BORCS5: variants seen among roughly 807,000 people sequenced by gnomAD.
BORCS5 encodes BLOC-1-related complex subunit 5.
Under a neutral mutation model 22.1 loss-of-function variants are expected in BORCS5, and 17 were observed. The ratio of observed to expected loss-of-function variants is 0.77; its 90% CI spans 0.53 to 1.15. BORCS5 has a LOEUF of 1.15. Ranked by LOEUF, BORCS5 falls within the 50% of genes most tolerant of loss-of-function variation. The pLI is 0.00. For synonymous variants in BORCS5, 117 were observed against 99.8 expected (o/e 1.17, Z -1.03); for missense variants, 247 against 253.2 (o/e 0.98, Z 0.17).
intron 2 of BORCS5, among the ~76,000 whole-genome samples, chr12:12,401,053 CTTA>C (rs1302611879): frequency 7.9e-5 from 12 of 152,144 alleles, no homozygotes; most frequent in African/African-American, 2.9e-4. Context: ...TATCCATTGA[CTTA>C]TTAGTGAATA....
At chr12:12,413,060 G>A (rs1246322969) in intron 2 of BORCS5, among the ~76,000 whole-genome samples, 2 of 136,270 alleles carry the variant, frequency 1.5e-5, no homozygotes, top group Non-Finnish European at 3.1e-5. Context: ...GCGGCCTTCC[G>A]CAGTGTTTGT....
At chr12:12,460,231 T>G (rs1943078049) in intron 3 of BORCS5, among the ~76,000 whole-genome samples, 1 of 152,226 alleles carries the variant, frequency 6.6e-6, no homozygotes, top group Non-Finnish European at 1.5e-5. Context: ...TATACATATT[T>G]TGCTGAATTT....
intron 3 of BORCS5, chr12:12,452,420 GGC>G (rs1942928109): frequency 1.8e-6 from 1 of 552,414 alleles, no homozygotes; most frequent in South Asian, 1.4e-5. Context: ...AAATCCATAG[GGC>G]TGGTAGAACT....
Position 12,452,250 on chromosome 12 carries a change from A to G in BORCS5, c.361-13296A>G, listed in dbSNP as rs192183935. The G allele has an allele frequency of 2.9e-3, 2,277 of 772,926 alleles. 6 individuals carry two copies. The highest frequency in any genetic ancestry group is 4.8e-3 in the Admixed American group (256 of 53,288). 47.9% of individuals were successfully genotyped at this position (772,926 alleles called of 1,614,324 possible). On this transcript the variant is annotated intron_variant, in intron 3 of 3. Coordinates refer to ENST00000314565, the MANE Select transcript of BORCS5 (RefSeq NM_058169.6). ...CCCTCAGCCAGCCTCAGATTTTTCC[A>G]GCTTATTTTGTGCACCAATTTGTGT...
In BORCS5 at chr12:12,468,642, A is replaced by G. The variant is rs978303690; in HGVS notation, c.*2866A>G. ...GCAGTGGCCCTGGGTCTTGGTAGTGACTAAATTCCGAGCTCCCAAGGTGCA... is the reference window on the plus strand; with the variant it reads ...GCAGTGGCCCTGGGTCTTGGTAGTGGCTAAATTCCGAGCTCCCAAGGTGCA... On this transcript the variant is annotated 3_prime_UTR_variant, in exon 4 of 4. Coordinates refer to ENST00000314565, the MANE Select transcript of BORCS5 (RefSeq NM_058169.6). The G allele has an allele frequency of 1.3e-5, 2 of 152,178 alleles. No individual in the cohort carries two copies. The highest frequency in any genetic ancestry group is 2.4e-5 in the African/African-American group (1 of 41,450). 9.4% of individuals were successfully genotyped at this position (152,178 alleles called of 1,614,324 possible). A position where few individuals can be genotyped will look rare whatever the true frequency, so the allele number is the denominator to read the frequency against.
At chr12:12,427,276 G>A (rs1484109423) in intron 2 of BORCS5, among the ~76,000 whole-genome samples, 1 of 147,112 alleles carries the variant, frequency 6.8e-6, no homozygotes, top group Non-Finnish European at 1.5e-5. Context: ...CACCTTCCAG[G>A]TTCACGCCTT....
intron 1 of BORCS5, 134 bp from the exon 2 acceptor site, chr12:12,361,072 C>G: frequency 2.4e-6 from 2 of 840,566 alleles, no homozygotes; most frequent in Non-Finnish European, 3.7e-6. Context: ...TAATTCATCC[C>G]TGCCACCCCA....
chr12:12,391,540 C>T, intron 2 of BORCS5, among the ~76,000 whole-genome samples: 1 of 151,696 alleles, frequency 6.6e-6, no homozygotes, highest in East Asian at 2.0e-4. Flanking sequence ...TGCACGCCAC[C>T]ATGCCCGGCT....
intron 3 of BORCS5, among the ~76,000 whole-genome samples, chr12:12,462,776 C>A (rs1391371084): frequency 6.6e-6 from 1 of 152,152 alleles, no homozygotes; most frequent in Non-Finnish European, 1.5e-5. Flanking sequence ...CCTGCCTCAG[C>A]CTCCCAAGTA....
Position 12,357,498 on chromosome 12 carries a change from T to A in BORCS5, c.47T>A (p.Leu16Gln). ...SSEAESRPND[L>Q]NSSVTPSPAK... ...GAGGCCGAGAGCCGACCCAACGATC[T>A]GAACTCCTCAGGTCGGTGTCCTAAC... Residue 16 changes from leucine to glutamine, a missense_variant, in exon 1 of 4, where the codon CTG becomes CAG. By Grantham distance (113) the Leu-to-Gln change is moderately radical (BLOSUM62 -2). Transcript: ENST00000314565. 1 of 1,611,312 alleles carries A rather than the reference T, an allele frequency of 6.2e-7. No individual in the cohort carries two copies.
intron 3 of BORCS5, among the ~76,000 whole-genome samples, chr12:12,446,540 G>A (rs976149400): frequency 6.6e-6 from 1 of 152,162 alleles, no homozygotes; most frequent in Non-Finnish European, 1.5e-5. Flanking sequence ...TGCTATCTCT[G>A]TTGTTAGTTG....
At chr12:12,447,817 T>C (rs1209254418) in intron 3 of BORCS5, among the ~76,000 whole-genome samples, 2 of 152,222 alleles carry the variant, frequency 1.3e-5, no homozygotes, top group Non-Finnish European at 2.9e-5. Context: ...TGTGTCACTT[T>C]GGTCACACAA....
chr12:12,424,741 C>T (rs552491542), intron 2 of BORCS5, among the ~76,000 whole-genome samples: 6 of 152,098 alleles, frequency 3.9e-5, no homozygotes, highest in African/African-American at 1.2e-4. Context: ...TGTGTCTGTG[C>T]CAAGAATCAG....
intron 2 of BORCS5, among the ~76,000 whole-genome samples, chr12:12,425,506 C>T (rs10845538): frequency 0.27 from 41,716 of 152,132 alleles, 6,685 homozygotes; most frequent in Non-Finnish European, 0.35. Context: ...TCCTTGCCAA[C>T]ACTTGTTATT....
chr12:12,434,281 CAAAAAAAAAAAAA>C (rs139357200), intron 2 of BORCS5, among the ~76,000 whole-genome samples: 1 of 76,588 alleles, frequency 1.3e-5, no homozygotes, highest in Non-Finnish European at 2.4e-5. Context: ...GACTCTGTCT[CAAAAAAAAAAAAA>C]AAAAAAAAAA....
intron 3 of BORCS5, among the ~76,000 whole-genome samples, chr12:12,438,385 A>ATAAAAC (rs1257519800): frequency 3.2e-5 from 4 of 126,148 alleles, no homozygotes; most frequent in Non-Finnish European, 3.4e-5. Context: ...AAAAAACGAA[A>ATAAAAC]AACAACAACA....
intron 2 of BORCS5, among the ~76,000 whole-genome samples, chr12:12,362,323 CAAA>C (rs1481931414): frequency 6.6e-6 from 1 of 152,148 alleles, no homozygotes; most frequent in Non-Finnish European, 1.5e-5. Context: ...ATTTAGAAAA[CAAA>C]AACAAATGGT....
intron 3 of BORCS5, among the ~76,000 whole-genome samples, chr12:12,450,134 T>C (rs1942881365): frequency 1.3e-5 from 2 of 152,256 alleles, no homozygotes; most frequent in Admixed American, 1.3e-4. Flanking sequence ...TGGTAGACTT[T>C]GGTCGCTTAG....
At chr12:12,448,925 C>T (rs566461608) in intron 3 of BORCS5, among the ~76,000 whole-genome samples, 12 of 152,300 alleles carry the variant, frequency 7.9e-5, no homozygotes, top group African/African-American at 1.9e-4. Flanking sequence ...TTATAATACT[C>T]GCTGCATAGT....
Sources: allele counts gnomAD v4.1 joint callset (sites outside exome capture counted in the v4.1 genomes callset), GRCh38; gene constraint gnomAD v4.1.1; transcripts MANE v1.5; gene names NCBI Gene and HGNC (gene_info 2026-07-23, HGNC 2026-07-21).